The following FAM53A variants were observed in gnomAD, a reference collection of about 807,000 sequenced individuals.
FAM53A encodes family with sequence similarity 53 member A, also known as protein FAM53A.
Under a neutral mutation model 26.6 loss-of-function variants are expected in FAM53A, and 28 were observed. The observed-to-expected ratio is 1.05, with a 90% CI of 0.78 to 1.45. FAM53A has a LOEUF of 1.45. Ranked by LOEUF, FAM53A falls within the 40% of genes most tolerant of loss-of-function variation. The pLI is 0.00. For missense variants in FAM53A, 650 were observed against 575.8 expected (o/e 1.13, Z -1.32); for synonymous variants, 290 against 253.1 (o/e 1.15, Z -1.38).
In FAM53A at chr4:1,647,606, C is replaced by T. The variant is rs574107761; in HGVS notation, c.883-5999G>A. The stretch of plus-strand genomic sequence containing the variant: ...TTGCGCACGCAGACTGCACAACACA[C>T]GCCAGGGACGCCGGACTAGAGCTGG... On this transcript the variant is annotated intron_variant, in intron 4 of 4. Coordinates refer to ENST00000308132, the MANE Select transcript of FAM53A (RefSeq NM_001174070.3). Among the ~76,000 whole-genome samples, 531 of 152,338 alleles carry T rather than the reference C, an allele frequency of 3.5e-3. 4 individuals carry two copies. Among genetic ancestry groups the T allele is most frequent in the African/African-American group, 0.012 (501 of 41,584 alleles).
chr4:1,584,905 G>C, the FAM53A span, among the ~76,000 whole-genome samples: 1 of 152,222 alleles, frequency 6.6e-6, no homozygotes, highest in Admixed American at 6.5e-5. Flanking sequence ...GTTAAGGAGA[G>C]GAGACAGACT....
chr4:1,671,573 G>C (rs10016757), intron 1 of FAM53A, among the ~76,000 whole-genome samples: 3,405 of 5,788 alleles, frequency 0.59, 967 homozygotes, highest in Middle Eastern at 0.75. Flanking sequence ...AGCCACAGCC[G>C]GGACTCACCT....
the FAM53A span, among the ~76,000 whole-genome samples, chr4:1,580,762 G>A: frequency 1.0e-4 from 3 of 30,056 alleles, no homozygotes; most frequent in Admixed American, 4.8e-4. Flanking sequence ...CCAGGTCCCC[G>A]CCTCCCACTC....
chr4:1,622,585 CA>C (rs1345018906), intron 1 of FAM53A, among the ~76,000 whole-genome samples: 2 of 152,252 alleles, frequency 1.3e-5, no homozygotes, highest in East Asian at 3.9e-4. Flanking sequence ...GACACACAAA[CA>C]GGGGCAGAGG....
At chr4:1,634,167 G>C (rs368448537) in intron 1 of FAM53A, among the ~76,000 whole-genome samples, 85 of 152,324 alleles carry the variant, frequency 5.6e-4, no homozygotes, top group African/African-American at 2.0e-3. Flanking sequence ...AGTGGACTCT[G>C]CCTGCCTGTG....
At chr4:1,652,657 C>A (rs1489010213) in intron 4 of FAM53A, among the ~76,000 whole-genome samples, 1 of 147,966 alleles carries the variant, frequency 6.8e-6, no homozygotes, top group East Asian at 2.0e-4. Flanking sequence ...ATCCAATACA[C>A]CACATATACA....
chr4:1,649,046 G>T (rs1172072975), intron 4 of FAM53A, among the ~76,000 whole-genome samples: 1 of 152,060 alleles, frequency 6.6e-6, no homozygotes. Flanking sequence ...CTGGGAGGCA[G>T]AGGTTGCACT....
intron 1 of FAM53A, among the ~76,000 whole-genome samples, chr4:1,619,248 G>A (rs369085868): frequency 7.5e-4 from 115 of 152,362 alleles, no homozygotes; most frequent in African/African-American, 2.7e-3. Flanking sequence ...CCCACCTTGT[G>A]GCGAGCGGCC....
downstream of FAM53A, among the ~76,000 whole-genome samples, chr4:1,638,855 G>A (rs1392499030): frequency 6.6e-6 from 1 of 152,208 alleles, no homozygotes; most frequent in East Asian, 1.9e-4. Flanking sequence ...AGAGTCAGCT[G>A]GGAACTGTTC....
At chr4:1,594,581 G>A in the FAM53A span, among the ~76,000 whole-genome samples, 55,513 of 152,076 alleles carry the variant, frequency 0.37, 10,531 homozygotes, top group Admixed American at 0.41. Context: ...AGTGGCTTAC[G>A]CCTGTAATCC....
chr4:1,597,332 G>A, the FAM53A span, among the ~76,000 whole-genome samples: 1 of 151,740 alleles, frequency 6.6e-6, no homozygotes, highest in East Asian at 1.9e-4. Flanking sequence ...CCACCGGCCC[G>A]ACACAGCTTG....
Position 1,641,383 on chromosome 4 carries a change from C to T in FAM53A, c.1107G>A (p.Gly369=), listed in dbSNP as rs376155315. 1.9e-6 allele frequency: 3 copies of T among 1,610,534 alleles called. No homozygotes were observed. The African/African-American group carries it at 4.0e-5, about 22-fold the overall frequency. ...VTSDGSRRSS[G]DPRDGDSVGE... is the part of the protein sequence containing the mutation. ...CGACACTGTCCCCATCACGGGGGTC[C>T]CCGCTGCTCCTGCGGGAGCCATCAC... The change falls in exon 5 of 5, where the codon GGG becomes GGA. Residue 369 remains glycine, a synonymous_variant. Transcript: ENST00000308132.
At chr4:1,634,374 G>A (rs1417929711) in intron 1 of FAM53A, among the ~76,000 whole-genome samples, 1 of 152,152 alleles carries the variant, frequency 6.6e-6, no homozygotes, top group Non-Finnish European at 1.5e-5. Flanking sequence ...AGGAAAGCAG[G>A]GAAGGGGCAG....
chr4:1,657,441 T>G lies in FAM53A; in HGVS notation c.103A>C (p.Lys35Gln). ...PLQYSAETLN[K>Q]SGRLFPLELN... ...TCCAAAGGGAACAGACGACCGCTCT[T>G]GTTCAGGGTTTCCGCAGAATACTGC... The change falls in exon 3 of 5, where the codon AAG (lysine) becomes CAG (glutamine). Residue 35 changes from lysine to glutamine, a missense_variant. Transcript: ENST00000308132. The G allele has an allele frequency of 6.2e-7, 1 of 1,613,884 alleles. No homozygotes were observed. Among genetic ancestry groups the G allele is most frequent in the Non-Finnish European group, 8.5e-7 (1 of 1,179,896 alleles).
intron 1 of FAM53A, among the ~76,000 whole-genome samples, chr4:1,623,690 G>A (rs532840074): frequency 1.1e-4 from 16 of 152,378 alleles, no homozygotes; most frequent in East Asian, 3.9e-4. Flanking sequence ...GGAGCCGCGC[G>A]ATGCCAGCCA....
chr4:1,591,277 T>C, the FAM53A span, among the ~76,000 whole-genome samples: 1 of 152,078 alleles, frequency 6.6e-6, no homozygotes, highest in Admixed American at 6.6e-5. Flanking sequence ...TTTCAGATCA[T>C]TGAGTCTAAC....
chr4:1,623,455 G>A (rs922634561), intron 1 of FAM53A, among the ~76,000 whole-genome samples: 19 of 152,094 alleles, frequency 1.2e-4, no homozygotes, highest in East Asian at 3.9e-4. Flanking sequence ...CCAGGCCCCC[G>A]GGCTCGCCAG....
chr4:1,654,215 G>A (rs2108897733), intron 4 of FAM53A, among the ~76,000 whole-genome samples: 1 of 152,298 alleles, frequency 6.6e-6, no homozygotes, highest in East Asian at 1.9e-4. Flanking sequence ...ATGACCCAGT[G>A]AGTGTGCACA....
intron 3 of FAM53A, among the ~76,000 whole-genome samples, chr4:1,656,803 G>A (rs1246605310): frequency 6.6e-6 from 1 of 152,206 alleles, no homozygotes; most frequent in African/African-American, 2.4e-5. Flanking sequence ...CCCACTCTGC[G>A]TGACACAGGG....
Sources: allele counts gnomAD v4.1 joint callset (sites outside exome capture counted in the v4.1 genomes callset), GRCh38; gene constraint gnomAD v4.1.1; transcripts MANE v1.5; gene names NCBI Gene and HGNC (gene_info 2026-07-23, HGNC 2026-07-21).